The following CIITA variants were observed in gnomAD, a reference collection of about 807,000 sequenced individuals.
CIITA encodes class II major histocompatibility complex transactivator.
In CIITA, 72 loss-of-function variants were observed where a neutral mutation model predicts 115.1. The ratio of observed to expected loss-of-function variants is 0.63; its 90% confidence interval spans 0.52 to 0.76. CIITA has a LOEUF of 0.76. CIITA is among the 30% of genes least tolerant of loss of function. CIITA has a pLI of 0.00. For missense variants in CIITA, 1,617 were observed against 1,463.8 expected, an observed-to-expected ratio of 1.10 and a Z score of -1.71; for synonymous variants, 763 against 635.6, an observed-to-expected ratio of 1.20 and a Z score of -3.02.
At position 10,901,111 on chromosome 16, in the gene CIITA, G is replaced by T. The variant is rs1310900189; in HGVS notation, c.437-403G>T. Among the ~76,000 whole-genome samples, 1 of 152,168 alleles carries T rather than the reference G, an allele frequency of 6.6e-6. No homozygotes were observed. The highest frequency in any genetic ancestry group is 6.5e-5 in the Admixed American group (1 of 15,280). On this transcript the variant is annotated intron_variant, in intron 5 of 19. Coordinates refer to ENST00000324288, the MANE Select transcript of CIITA (RefSeq NM_000246.4). This position sits in a 1 kb window ranked among gnomAD's most constrained non-coding sequence, Gnocchi z 6.8. Reference sequence around the variant, plus strand: ...TGTGAGTGCTTGATACTCACTCACTGATTTCTGGCATACTCCTGCAATGTA... The same window carrying T: ...TGTGAGTGCTTGATACTCACTCACTTATTTCTGGCATACTCCTGCAATGTA...
Position 10,906,520 on chromosome 16 carries a change from G to T in CIITA, c.1028G>T (p.Arg343Leu), listed in dbSNP as rs765940448. ...GCAGAGCCGGTGGAGCAGTTCTACC[G>T]CTCACTGCAGGACACGTATGGTGCC... ...KWPEPVEQFYRSLQDTYGAEP... is the reference protein window; with the variant it reads ...KWPEPVEQFYLSLQDTYGAEP... Residue 343 changes from arginine to leucine, a missense_variant, in exon 11 of 20, where the codon CGC becomes CTC. Arg to Leu is a moderately radical substitution (Grantham distance 102, BLOSUM62 -2). Transcript: ENST00000324288. 17 of 1,611,896 alleles carry T rather than the reference G, an allele frequency of 1.1e-5. No homozygotes were observed. The East Asian group carries it at 1.1e-4, about 11-fold the overall frequency.
rs553767519 is a variant in CIITA, at chr16:10,932,054, A to T, written c.*8199A>T. ...TCCAAGCTGGTCCCACTCAGTCCAT[A>T]GCAGAGAATGAAAGGGCCCAGAGAG... On this transcript the variant is annotated 3_prime_UTR_variant, in exon 20 of 20. Transcript: ENST00000324288. 6.6e-6 allele frequency: 1 copy of T among 152,378 alleles called. No homozygotes were observed. The highest frequency in any genetic ancestry group is 6.5e-5 in the Admixed American group (1 of 15,304). The allele number at this position is 152,378 out of a possible 1,614,324, so 9.4% of individuals were successfully genotyped here. A position where few individuals can be genotyped will look rare whatever the true frequency, so the allele number is the denominator to read the frequency against.
Position 10,901,651 on chromosome 16 carries a change from T to A in CIITA, c.481+93T>A, listed in dbSNP as rs1417211514. 6.1e-6 allele frequency: 8 copies of A among 1,306,812 alleles called. No homozygotes were observed. In the Admixed American group the frequency reaches 1.2e-4, roughly 19 times the overall value. 81.0% of individuals were successfully genotyped at this position (1,306,812 alleles called of 1,614,324 possible). A position where few individuals can be genotyped will look rare whatever the true frequency, so the allele number is the denominator to read the frequency against. On this transcript the variant is annotated intron_variant, in intron 6 of 19. Coordinates refer to ENST00000324288, the MANE Select transcript of CIITA (RefSeq NM_000246.4). This position sits in a 1 kb window ranked among gnomAD's most constrained non-coding sequence, Gnocchi z 6.8. Reference sequence around the variant, plus strand: ...ACTCCTGGCCCAAGTCTGATGGGGATGGTGCATGGTGCAGCCCCTGCCCTT... The same window carrying A: ...ACTCCTGGCCCAAGTCTGATGGGGAAGGTGCATGGTGCAGCCCCTGCCCTT...
intron 1 of CIITA, among the ~76,000 whole-genome samples, chr16:10,889,104 G>A (rs1409699702): frequency 1.3e-5 from 2 of 152,200 alleles, no homozygotes; most frequent in Non-Finnish European, 2.9e-5. Flanking sequence ...CTGAGAGCTG[G>A]GAGAAGGTGA....
In CIITA at chr16:10,904,827, A is replaced by T. The variant is rs1222878241; in HGVS notation, c.1006+15A>T. The T allele has an allele frequency of 2.5e-6, 4 of 1,613,952 alleles. No homozygotes were observed. Among genetic ancestry groups the T allele is most frequent in the Non-Finnish European group, 3.4e-6 (4 of 1,179,904 alleles). Reference sequence around the variant, plus strand: ...AAAATGGCCTGGTGAGTGATGCGGGATCTCTCTGCCCTGGGTGGTGGAGAT... The same window carrying T: ...AAAATGGCCTGGTGAGTGATGCGGGTTCTCTCTGCCCTGGGTGGTGGAGAT... On this transcript the variant is annotated intron_variant, in intron 10 of 19. Coordinates refer to ENST00000324288, the MANE Select transcript of CIITA (RefSeq NM_000246.4).
intron 1 of CIITA, among the ~76,000 whole-genome samples, chr16:10,886,201 G>A (rs749381511): frequency 5.3e-5 from 8 of 152,000 alleles, no homozygotes; most frequent in Non-Finnish European, 1.0e-4. Context: ...GCCTCCCAAA[G>A]TGCTGGAATT....
rs1175577655 is a variant in CIITA at position 10,877,268 on chromosome 16, C to T, written c.-63C>T. ...GCATCCGAAGGCATCCTTGGGGAAGCTGAGGGCACGAGGAGGGGCTGCCAG... is the reference window on the plus strand; with the variant it reads ...GCATCCGAAGGCATCCTTGGGGAAGTTGAGGGCACGAGGAGGGGCTGCCAG... On this transcript the variant is annotated 5_prime_UTR_variant, in exon 1 of 20. Transcript: ENST00000324288. 6.6e-7 allele frequency: 1 copy of T among 1,518,858 alleles called. No individual in the cohort carries two copies. The highest frequency in any genetic ancestry group is 9.1e-7 in the Non-Finnish European group (1 of 1,103,814). 94.1% of individuals were successfully genotyped at this position (1,518,858 alleles called of 1,614,324 possible).
In CIITA at chr16:10,924,294, T is replaced by G. The variant is rs576009732; in HGVS notation, c.*439T>G. 3 of 152,438 alleles carry G rather than the reference T, an allele frequency of 2.0e-5. No individual in the cohort carries two copies. The highest frequency in any genetic ancestry group is 7.2e-5 in the African/African-American group (3 of 41,552). 9.4% of individuals were successfully genotyped at this position (152,438 alleles called of 1,614,324 possible). ...TGTTGCCCAGGCTGGCGTGCAGTGG[T>G]GCGATCTGGGTTCACTGCAACCTCC... On this transcript the variant is annotated 3_prime_UTR_variant, in exon 20 of 20. Coordinates refer to ENST00000324288, the MANE Select transcript of CIITA (RefSeq NM_000246.4).
intron 15 of CIITA, 73 bp from the exon 16 acceptor site, chr16:10,918,367 A>G: frequency 7.6e-7 from 1 of 1,311,654 alleles, no homozygotes; most frequent in Non-Finnish European, 1.1e-6. Context: ...CCTATGACCC[A>G]GAACTCTCCT....
At chr16:10,911,273 T>C in intron 13 of CIITA, among the ~76,000 whole-genome samples, 1 of 151,328 alleles carries the variant, frequency 6.6e-6, no homozygotes, top group Non-Finnish European at 1.5e-5. Flanking sequence ...CCTCTTTCTT[T>C]CCTTTCCCTT....
Position 10,922,201 on chromosome 16 carries a change from G to A in CIITA, c.3184G>A (p.Glu1062Lys), listed in dbSNP as rs777187047. The change falls in exon 17 of 20, where the codon GAG becomes AAG. Residue 1062 changes from glutamate (E) to lysine (K), a missense_variant. By Grantham distance (56) the Glu-to-Lys change is moderately conservative (BLOSUM62 1). Transcript: ENST00000324288. ...YNNCICDVGA[E>K]SLARVLPDMV... ...TAACTGCATCTGCGACGTGGGAGCC[G>A]AGAGCTTGGCTCGTGTGCTTCCGGA... 11 of 1,614,224 alleles carry A rather than the reference G, an allele frequency of 6.8e-6. 1 individual carries two copies. The highest frequency in any genetic ancestry group is 6.6e-5 in the South Asian group (6 of 91,086).
chr16:10,922,962 T>C, intron 18 of CIITA: 1 of 553,954 alleles, frequency 1.8e-6, no homozygotes, highest in South Asian at 2.1e-5. Context: ...ACAAGACCCA[T>C]TTTACAGATG....
In CIITA at chr16:10,929,704, C is replaced by T; in HGVS notation, c.*5849C>T. ...CCTCCATCCCTCAAATTTAGGGAAC[C>T]ACTGGGAGCCCCAGACTCAGGCTGA... On this transcript the variant is annotated 3_prime_UTR_variant, in exon 20 of 20. Coordinates refer to ENST00000324288, the MANE Select transcript of CIITA (RefSeq NM_000246.4). This position sits in a 1 kb window ranked among gnomAD's most constrained non-coding sequence, Gnocchi z 4.3. The T allele has an allele frequency of 4.0e-6, 1 of 252,338 alleles. No individual in the cohort carries two copies. The highest frequency in any genetic ancestry group is 6.3e-6 in the Non-Finnish European group (1 of 159,640). The allele number at this position is 252,338 out of a possible 1,614,324, so 15.6% of individuals were successfully genotyped here.
At chr16:10,882,948 G>A (rs1182307866) in intron 1 of CIITA, among the ~76,000 whole-genome samples, 1 of 152,164 alleles carries the variant, frequency 6.6e-6, no homozygotes, top group Non-Finnish European at 1.5e-5. Flanking sequence ...CAGACTCCCT[G>A]AATAGAATCA....
At chr16:10,908,866 A>G (rs1010089457) in intron 11 of CIITA, 163 bp from the exon 12 acceptor site, 9 of 928,524 alleles carry the variant, frequency 9.7e-6, no homozygotes, top group Non-Finnish European at 1.5e-5. Flanking sequence ...GAAAGTAGGA[A>G]TCAATAAAGG....
In CIITA at chr16:10,923,413, A is replaced by G; in HGVS notation, c.*22+88A>G. 9.4e-7 allele frequency: 1 copy of G among 1,069,178 alleles called. No individual in the cohort carries two copies. The highest frequency in any genetic ancestry group is 2.4e-5 in the East Asian group (1 of 41,952). 66.2% of individuals were successfully genotyped at this position (1,069,178 alleles called of 1,614,324 possible). On this transcript the variant is annotated intron_variant, in intron 19 of 19. Transcript: ENST00000324288. This position sits in a 1 kb window ranked among gnomAD's most constrained non-coding sequence, Gnocchi z 5.2. ...GTGGCATTCAAAAAATGTGGGCGGG[A>G]CACAGGTGGGGCTAGGCCACCACCC...
intron 1 of CIITA, among the ~76,000 whole-genome samples, chr16:10,889,766 G>A (rs1039379084): frequency 1.3e-5 from 2 of 152,192 alleles, no homozygotes; most frequent in African/African-American, 4.8e-5. Flanking sequence ...TGATCTGCCT[G>A]CCTCGGCCTC....
At chr16:10,893,804 T>TAAGAAAAAAA in intron 1 of CIITA, among the ~76,000 whole-genome samples, 1 of 32,178 alleles carries the variant, frequency 3.1e-5, no homozygotes, top group Non-Finnish European at 5.5e-5. Flanking sequence ...GACTCCGTCT[T>TAAGAAAAAAA]AAAAAAAAAA....
rs553534008 is a variant in CIITA at position 10,928,885 on chromosome 16, C to CA, written c.*5031dup. 2.0e-5 allele frequency: 3 copies of CA among 152,644 alleles called. No homozygotes were observed. Among genetic ancestry groups the CA allele is most frequent in the Non-Finnish European group, 4.4e-5 (3 of 68,072 alleles). The allele number at this position is 152,644 out of a possible 1,614,324, so 9.5% of individuals were successfully genotyped here. A position where few individuals can be genotyped will look rare whatever the true frequency, so the allele number is the denominator to read the frequency against. ...AAAGTTAAAAAAAAAGGCAGGGCCC[C>CA]AGGGGTTGGAGTTGCATACATTTTT... On this transcript the variant is annotated 3_prime_UTR_variant, in exon 20 of 20. Transcript: ENST00000324288.
Sources: allele counts gnomAD v4.1 joint callset (sites outside exome capture counted in the v4.1 genomes callset), GRCh38; gene constraint gnomAD v4.1.1; non-coding constraint Gnocchi (gnomAD v3.1); transcripts MANE v1.5; gene names NCBI Gene and HGNC (gene_info 2026-07-23, HGNC 2026-07-21).